Variants in SMAP1 observed in about 807,000 individuals in gnomAD.
The protein encoded by SMAP1 is stromal membrane-associated protein 1.
A neutral mutation model predicts 58.5 loss-of-function variants in SMAP1; 24 were observed. The observed-to-expected ratio is 0.41, with a 90% CI of 0.30 to 0.58. SMAP1 has a LOEUF of 0.58. SMAP1 is among the 20% of genes least tolerant of loss of function. The pLI is 0.29. For missense variants in SMAP1, 563 were observed against 566.3 expected (o/e 0.99, Z 0.06); for synonymous variants, 216 against 196.6 (o/e 1.10, Z -0.82).
chr6:70,783,442 G>A (rs1179166759), intron 4 of SMAP1, among the ~76,000 whole-genome samples: 1 of 152,228 alleles, frequency 6.6e-6, no homozygotes, highest in Non-Finnish European at 1.5e-5. Flanking sequence ...ACGGAACAAT[G>A]CTGGACAGAG....
intron 3 of SMAP1, among the ~76,000 whole-genome samples, chr6:70,758,804 C>G (rs1468393021): frequency 6.6e-6 from 1 of 151,966 alleles, no homozygotes; most frequent in African/African-American, 2.4e-5. Context: ...CTAAAATAAC[C>G]CTGAAATTTC....
At chr6:70,718,184 A>G (rs961577455) in intron 1 of SMAP1, among the ~76,000 whole-genome samples, 3 of 152,126 alleles carry the variant, frequency 2.0e-5, no homozygotes, top group African/African-American at 7.2e-5. Flanking sequence ...AATTTTATCT[A>G]ATGGGTTAAT....
chr6:70,837,735 C>T (rs768650665), intron 7 of SMAP1: 1 of 1,112,252 alleles, frequency 9.0e-7, no homozygotes, highest in South Asian at 2.0e-5. Context: ...TTTAGTAATA[C>T]CTGAGCCTTG....
intron 6 of SMAP1, among the ~76,000 whole-genome samples, chr6:70,824,600 A>G (rs1013367414): frequency 5.3e-5 from 8 of 152,176 alleles, no homozygotes; most frequent in African/African-American, 1.9e-4. Context: ...TTTAATTGCA[A>G]ACATAAGAGC....
At chr6:70,687,948 CT>C (rs1258749882) in intron 1 of SMAP1, among the ~76,000 whole-genome samples, 1 of 152,132 alleles carries the variant, frequency 6.6e-6, no homozygotes, top group Admixed American at 6.5e-5. Context: ...ACCACACATA[CT>C]TTTCTCTGTC....
chr6:70,820,852 G>A (rs1769857300), intron 6 of SMAP1, among the ~76,000 whole-genome samples: 1 of 151,914 alleles, frequency 6.6e-6, no homozygotes, highest in African/African-American at 2.4e-5. Context: ...TTTATAATAA[G>A]CATTATTTAG....
chr6:70,709,050 G>A (rs1184648997), intron 1 of SMAP1, among the ~76,000 whole-genome samples: 2 of 151,314 alleles, frequency 1.3e-5, no homozygotes, highest in Non-Finnish European at 2.9e-5. Context: ...CCAGTATGAA[G>A]GAGCTTTTCC....
At chr6:70,751,984 T>C (rs974730798) in intron 2 of SMAP1, among the ~76,000 whole-genome samples, 4 of 152,222 alleles carry the variant, frequency 2.6e-5, no homozygotes, top group African/African-American at 9.6e-5. Context: ...AGCAGAAGCA[T>C]TTTTGGTGAG....
intron 1 of SMAP1, among the ~76,000 whole-genome samples, chr6:70,672,335 G>A (rs748281050): frequency 1.3e-5 from 2 of 152,126 alleles, no homozygotes; most frequent in Non-Finnish European, 2.9e-5. Flanking sequence ...ACCTTTGCAC[G>A]TGCTGTTCTT....
At chr6:70,804,898 A>G (rs1324126708) in intron 6 of SMAP1, among the ~76,000 whole-genome samples, 1 of 150,622 alleles carries the variant, frequency 6.6e-6, no homozygotes, top group East Asian at 1.9e-4. Context: ...CTTTGTGGGT[A>G]ACCTGACCTT....
intron 5 of SMAP1, among the ~76,000 whole-genome samples, chr6:70,793,479 A>G (rs1221798701): frequency 3.9e-5 from 6 of 152,188 alleles, no homozygotes; most frequent in Non-Finnish European, 5.9e-5. Flanking sequence ...TAGTGAGACA[A>G]GGATACAAGC....
chr6:70,753,407 C>T (rs1237503240), intron 2 of SMAP1, among the ~76,000 whole-genome samples: 1 of 152,126 alleles, frequency 6.6e-6, no homozygotes, highest in Non-Finnish European at 1.5e-5. Context: ...CAGACTAAGG[C>T]ATTTTTACTT....
At chr6:70,808,905 T>A (rs1046930817) in intron 6 of SMAP1, among the ~76,000 whole-genome samples, 3 of 39,820 alleles carry the variant, frequency 7.5e-5, no homozygotes, top group Non-Finnish European at 1.7e-4. Flanking sequence ...TGTTTCCCTG[T>A]GTGTGTGTGT....
chr6:70,696,450 TTTTA>T (rs1304828961), intron 1 of SMAP1, among the ~76,000 whole-genome samples: 1 of 151,896 alleles, frequency 6.6e-6, no homozygotes, highest in African/African-American at 2.4e-5. Context: ...GTGTTTTTAT[TTTTA>T]TTTGTTTCAA....
At position 70,856,970 on chromosome 6, in the gene SMAP1, T is replaced by A. The variant is rs1771451558; in HGVS notation, c.901T>A (p.Ser301Thr). Residue 301 changes from serine to threonine, a missense_variant, in exon 9 of 11, where the codon TCC becomes ACC. Ser to Thr is a moderately conservative substitution (Grantham distance 58). This residue lies in a region of SMAP1 where 494 missense variants were observed against 473.8 expected (regional missense o/e 1.04). Coordinates refer to ENST00000370455, the MANE Select transcript of SMAP1 (RefSeq NM_001044305.3). ...KSEEVAKKQLSKDSILSLYGT... is the reference protein window; with the variant it reads ...KSEEVAKKQLTKDSILSLYGT... ...AGAAGAAGTGGCAAAGAAACAACTT[T>A]CCAAAGACTCCATCTTATCTCTGTA... is the stretch of plus-strand genomic sequence containing the variant. 2.5e-6 allele frequency: 4 copies of A among 1,613,886 alleles called. No homozygotes were observed. The highest frequency in any genetic ancestry group is 3.4e-6 in the Non-Finnish European group (4 of 1,179,902).
chr6:70,668,051 G>T lies in SMAP1; in HGVS notation c.28G>T (p.Ala10Ser), dbSNP rs1766101585. Residue 10 changes from alanine to serine, a missense_variant, in exon 1 of 11, where the codon GCT becomes TCT. By Grantham distance (99) the Ala-to-Ser change is moderately conservative (BLOSUM62 1). Coordinates refer to ENST00000370455, the MANE Select transcript of SMAP1 (RefSeq NM_001044305.3). The stretch of plus-strand genomic sequence containing the variant: ...GGCGACGCGCTCCTGTCGGGAGAAG[G>T]CTCAGAAGCTGAACGAGCAGCACCA... Reference protein sequence around the residue: MATRSCREKAQKLNEQHQLI... With the variant: MATRSCREKSQKLNEQHQLI... The T allele has an allele frequency of 6.2e-7, 1 of 1,603,472 alleles. No homozygotes were observed. Among genetic ancestry groups the T allele is most frequent in the African/African-American group, 1.4e-5 (1 of 73,266 alleles).
chr6:70,798,769 G>C (rs546710313), intron 6 of SMAP1, 32 bp downstream of exon 6: 1 of 1,455,764 alleles, frequency 6.9e-7, no homozygotes, highest in Non-Finnish European at 9.2e-7. Flanking sequence ...TAATCTATTA[G>C]GATTACCATT....
chr6:70,726,837 A>T (rs899630162), intron 1 of SMAP1, among the ~76,000 whole-genome samples: 1 of 151,410 alleles, frequency 6.6e-6, no homozygotes, highest in Non-Finnish European at 1.5e-5. Flanking sequence ...TTTTTATCTG[A>T]AAGTTAGTAG....
chr6:70,674,645 TTAAG>T (rs1448653028), intron 1 of SMAP1, among the ~76,000 whole-genome samples: 1 of 152,218 alleles, frequency 6.6e-6, no homozygotes, highest in Non-Finnish European at 1.5e-5. Flanking sequence ...ACTAAAAAGA[TTAAG>T]TACTACGTTA....
Sources: allele counts gnomAD v4.1 joint callset (sites outside exome capture counted in the v4.1 genomes callset), GRCh38; gene constraint gnomAD v4.1.1; regional missense constraint gnomAD v4.1.1; transcripts MANE v1.5; gene names NCBI Gene and HGNC (gene_info 2026-07-23, HGNC 2026-07-21).